CCDC60: variants seen among roughly 807,000 people sequenced by gnomAD.
CCDC60 encodes coiled-coil domain containing 60.
A neutral mutation model predicts 63.5 loss-of-function variants in CCDC60; 54 were observed. The observed-to-expected ratio is 0.85, with a 90% CI of 0.68 to 1.07. The LOEUF (loss-of-function observed/expected upper bound fraction) is 1.07, where lower values mean the gene tolerates loss of function less well. Among genes scored for constraint, CCDC60 ranks in the 50% least tolerant of loss-of-function variants. CCDC60 has a pLI of 0.00. For missense variants in CCDC60, 651 were observed against 684.3 expected (o/e 0.95, Z 0.54); for synonymous variants, 206 against 238.8 (o/e 0.86, Z 1.27).
intron 2 of CCDC60, among the ~76,000 whole-genome samples, chr12:119,448,642 A>G (rs1950581066): frequency 6.6e-6 from 1 of 152,100 alleles, no homozygotes; most frequent in South Asian, 2.1e-4. Context: ...TCTAAATATG[A>G]TGGGGTAAAT....
At chr12:119,512,354 A>C (rs1421572512) in intron 7 of CCDC60, among the ~76,000 whole-genome samples, 3 of 152,228 alleles carry the variant, frequency 2.0e-5, no homozygotes, top group African/African-American at 7.2e-5. Context: ...CTATTGACTG[A>C]GACCCCATGT....
At chr12:119,406,856 C>T (rs1956502338) in intron 1 of CCDC60, among the ~76,000 whole-genome samples, 1 of 152,184 alleles carries the variant, frequency 6.6e-6, no homozygotes. Flanking sequence ...TCTCTACTTC[C>T]TCCAGGGACT....
chr12:119,366,294 C>T (rs1463882534), intron 1 of CCDC60, among the ~76,000 whole-genome samples: 2 of 152,202 alleles, frequency 1.3e-5, no homozygotes, highest in African/African-American at 4.8e-5. Flanking sequence ...TACTAAGCTC[C>T]ATTTTATGAA....
chr12:119,440,541 A>G (rs1033598081), intron 2 of CCDC60, among the ~76,000 whole-genome samples: 1 of 152,156 alleles, frequency 6.6e-6, no homozygotes, highest in Non-Finnish European at 1.5e-5. Context: ...AAATAAATAA[A>G]CAAATAAATG....
chr12:119,486,720 G>C (rs1951449932), intron 4 of CCDC60, among the ~76,000 whole-genome samples: 1 of 152,150 alleles, frequency 6.6e-6, no homozygotes, highest in Non-Finnish European at 1.5e-5. Context: ...GGATGGGGTA[G>C]GGCAGGGCTG....
At chr12:119,537,839 G>A (rs533518436) in intron 13 of CCDC60, among the ~76,000 whole-genome samples, 3 of 152,316 alleles carry the variant, frequency 2.0e-5, no homozygotes, top group East Asian at 1.9e-4. Flanking sequence ...GGCCCCTACT[G>A]GGAGGTGTCT....
intron 1 of CCDC60, among the ~76,000 whole-genome samples, chr12:119,351,905 C>T (rs546485318): frequency 4.6e-5 from 7 of 152,306 alleles, no homozygotes; most frequent in Admixed American, 6.5e-5. Context: ...AAAGTCATCT[C>T]CACATTTTCA....
At chr12:119,424,759 A>G (rs191535492) in intron 1 of CCDC60, among the ~76,000 whole-genome samples, 13 of 152,348 alleles carry the variant, frequency 8.5e-5, no homozygotes, top group Admixed American at 3.3e-4. Context: ...TTTTAATTAA[A>G]CAAAACTATA....
intron 2 of CCDC60, among the ~76,000 whole-genome samples, chr12:119,443,837 T>C (rs189583821): frequency 6.6e-6 from 1 of 152,316 alleles, no homozygotes; most frequent in Non-Finnish European, 1.5e-5. Flanking sequence ...ACCTAATCTC[T>C]CTGAGTCTCA....
At position 119,504,687 on chromosome 12, in the gene CCDC60, C is replaced by T. The variant is rs139478299; in HGVS notation, c.649-382C>T. ...TTAAAAAATTAGACCCATCCTCATA[C>T]ACAGTTTGAAAATCAACTCCAATAG... is the stretch of plus-strand genomic sequence containing the variant. On this transcript the variant is annotated intron_variant, in intron 6 of 13. Coordinates refer to ENST00000327554, the MANE Select transcript of CCDC60 (RefSeq NM_178499.5). Among the ~76,000 whole-genome samples the T allele has an allele frequency of 5.5e-4, 84 of 152,298 alleles. 1 individual carries two copies. Among genetic ancestry groups the T allele is most frequent in the African/African-American group, 1.5e-3 (63 of 41,562 alleles).
intron 1 of CCDC60, among the ~76,000 whole-genome samples, chr12:119,352,938 T>C (rs1382974449): frequency 3.4e-5 from 5 of 148,928 alleles, no homozygotes; most frequent in Admixed American, 6.8e-5. Flanking sequence ...AGACTCTGTC[T>C]CAATAATTAA....
At chr12:119,492,037 T>G (rs1278158457) in intron 5 of CCDC60, among the ~76,000 whole-genome samples, 2 of 152,208 alleles carry the variant, frequency 1.3e-5, no homozygotes, top group Non-Finnish European at 1.5e-5. Flanking sequence ...GTGGCAGAAT[T>G]CTATCAGCGC....
At chr12:119,495,511 G>A (rs1013430974) in intron 5 of CCDC60, among the ~76,000 whole-genome samples, 3 of 152,172 alleles carry the variant, frequency 2.0e-5, no homozygotes, top group South Asian at 2.1e-4. Context: ...CTGCTGTGGC[G>A]TTTATCAGCA....
chr12:119,373,174 C>T (rs144401381), intron 1 of CCDC60, among the ~76,000 whole-genome samples: 1 of 152,218 alleles, frequency 6.6e-6, no homozygotes, highest in East Asian at 1.9e-4. Flanking sequence ...TGGATCTAAC[C>T]CTGGAGCAAC....
chr12:119,365,901 G>A (rs965118360), intron 1 of CCDC60, among the ~76,000 whole-genome samples: 1 of 152,200 alleles, frequency 6.6e-6, no homozygotes, highest in African/African-American at 2.4e-5. Flanking sequence ...CTCACAAATT[G>A]TGGGGACCAT....
rs774298744 is a variant in CCDC60 at position 119,516,715 on chromosome 12, C to T, written c.968+8C>T. On this transcript the variant is annotated splice_region_variant and intron_variant, in intron 8 of 13. Coordinates refer to ENST00000327554, the MANE Select transcript of CCDC60 (RefSeq NM_178499.5). ...GCAAAGAAAAGCACCCAGGTATGTGCTCTTGACTCCTGGGGCAAATAAAGC... is the reference window on the plus strand; with the variant it reads ...GCAAAGAAAAGCACCCAGGTATGTGTTCTTGACTCCTGGGGCAAATAAAGC... The T allele has an allele frequency of 6.3e-7, 1 of 1,581,920 alleles. No individual in the cohort carries two copies. The highest frequency in any genetic ancestry group is 8.7e-7 in the Non-Finnish European group (1 of 1,151,680).
At chr12:119,528,258 A>C (rs1474797380) in intron 11 of CCDC60, among the ~76,000 whole-genome samples, 1 of 152,082 alleles carries the variant, frequency 6.6e-6, no homozygotes, top group Non-Finnish European at 1.5e-5. Flanking sequence ...GTCTGGCATG[A>C]ATCTCAACAG....
intron 2 of CCDC60, among the ~76,000 whole-genome samples, chr12:119,448,695 C>T (rs548923767): frequency 6.6e-6 from 1 of 152,050 alleles, no homozygotes; most frequent in Non-Finnish European, 1.5e-5. Flanking sequence ...CTGGAAGAGG[C>T]GCATTAGGTT....
chr12:119,352,009 G>T (rs1955661040), intron 1 of CCDC60, among the ~76,000 whole-genome samples: 1 of 152,170 alleles, frequency 6.6e-6, no homozygotes, highest in Non-Finnish European at 1.5e-5. Flanking sequence ...ATTAATTTAT[G>T]AGGAAAAGAG....
Sources: gnomAD v4.1 joint callset for allele counts (sites outside exome capture counted in the v4.1 genomes callset) on GRCh38, gnomAD v4.1.1 for gene constraint, MANE v1.5 for transcripts, NCBI Gene and HGNC (gene_info 2026-07-23, HGNC 2026-07-21) for gene names.